CLYBL: variants seen among roughly 807,000 people sequenced by gnomAD.
CLYBL encodes citramalyl-CoA lyase, mitochondrial.
CLYBL carries 31 observed loss-of-function variants against 38.9 expected under a neutral mutation model. That is an observed-to-expected ratio of 0.80 (90% CI 0.60 to 1.08). The LOEUF is 1.08. CLYBL is among the 50% of genes least tolerant of loss of function. CLYBL has a pLI of 0.00. For synonymous variants in CLYBL, 171 were observed against 158.6 expected (o/e 1.08, Z -0.59); for missense variants, 434 against 411.6 (o/e 1.05, Z -0.47).
At chr13:99,655,699 G>GA (rs2047320256) in intron 1 of CLYBL, among the ~76,000 whole-genome samples, 5 of 152,194 alleles carry the variant, frequency 3.3e-5, no homozygotes, top group Admixed American at 3.3e-4. Flanking sequence ...TTGCTTGTGG[G>GA]ACCTGGTGTC....
intron 1 of CLYBL, among the ~76,000 whole-genome samples, chr13:99,742,660 GC>G (rs1248439439): frequency 1.2e-4 from 18 of 152,288 alleles, no homozygotes; most frequent in African/African-American, 4.3e-4. Context: ...TTCACATCTT[GC>G]CTTTACAAGT....
chr13:99,705,259 A>G (rs549272630), intron 1 of CLYBL, among the ~76,000 whole-genome samples: 7 of 152,090 alleles, frequency 4.6e-5, no homozygotes, highest in South Asian at 2.1e-4. Flanking sequence ...ACACACACAC[A>G]CGCAAGAATA....
chr13:99,883,334 C>T (rs533136528), intron 7 of CLYBL, among the ~76,000 whole-genome samples: 4 of 152,156 alleles, frequency 2.6e-5, no homozygotes, highest in African/African-American at 9.6e-5. Flanking sequence ...GCCTGGCCAA[C>T]ATGGTGAAAC....
chr13:99,646,678 A>AG (rs2047181527), intron 1 of CLYBL, among the ~76,000 whole-genome samples: 1 of 131,606 alleles, frequency 7.6e-6, no homozygotes, highest in Admixed American at 7.2e-5. Context: ...ACACCTGGCT[A>AG]ATTTTTTTTT....
intron 1 of CLYBL, among the ~76,000 whole-genome samples, chr13:99,654,989 T>A (rs1166763752): frequency 6.6e-6 from 1 of 151,804 alleles, no homozygotes; most frequent in Admixed American, 6.6e-5. Context: ...TTCTGTGCAG[T>A]GGCTGATCTA....
At chr13:99,724,311 T>C (rs899020859) in intron 1 of CLYBL, among the ~76,000 whole-genome samples, 6 of 152,214 alleles carry the variant, frequency 3.9e-5, no homozygotes, top group Admixed American at 3.3e-4. Flanking sequence ...GATTTTCCCC[T>C]ATTTGCCTTT....
In CLYBL at chr13:99,752,699, C is replaced by T. The variant is rs78129148; in HGVS notation, c.63-20125C>T. ...TTGCTGGGGGCACCTCTTTCCTTCA[C>T]CGGCTCCCACCTTCTTTGTGTCACC... On this transcript the variant is annotated intron_variant, in intron 1 of 8. Transcript: ENST00000339105. Among the ~76,000 whole-genome samples the T allele has an allele frequency of 6.3e-3, 957 of 152,160 alleles. 7 individuals carry two copies. Among genetic ancestry groups the T allele is most frequent in the African/African-American group, 0.022 (904 of 41,510 alleles).
intron 9 of CLYBL, among the ~76,000 whole-genome samples, chr13:99,906,860 G>GC (rs2152139825): frequency 6.6e-6 from 1 of 152,326 alleles, no homozygotes; most frequent in East Asian, 1.9e-4. Context: ...AGGATGGGCA[G>GC]CCCCACAGCG....
At chr13:99,889,641 A>C (rs920962113) in intron 7 of CLYBL, among the ~76,000 whole-genome samples, 5 of 152,198 alleles carry the variant, frequency 3.3e-5, no homozygotes, top group Non-Finnish European at 5.9e-5. Flanking sequence ...AAGGCTGAAA[A>C]GGTTGGCCAC....
chr13:99,794,683 C>G (rs1222011821), intron 2 of CLYBL, among the ~76,000 whole-genome samples: 1 of 151,546 alleles, frequency 6.6e-6, no homozygotes, highest in Non-Finnish European at 1.5e-5. Context: ...CCTCCACCGT[C>G]TGAGTTCAAC....
chr13:99,766,133 A>G (rs1021696775), intron 1 of CLYBL, among the ~76,000 whole-genome samples: 3 of 152,168 alleles, frequency 2.0e-5, no homozygotes, highest in Non-Finnish European at 2.9e-5. Flanking sequence ...GATTACAGGC[A>G]TGAGCCAACT....
intron 2 of CLYBL, among the ~76,000 whole-genome samples, chr13:99,812,884 A>G (rs141506844): frequency 1.3e-5 from 2 of 152,334 alleles, no homozygotes; most frequent in East Asian, 3.9e-4. Context: ...AAGCTGTGAT[A>G]TCACATACTG....
chr13:99,706,813 T>G (rs747796492), intron 1 of CLYBL, among the ~76,000 whole-genome samples: 3 of 152,188 alleles, frequency 2.0e-5, no homozygotes, highest in Non-Finnish European at 2.9e-5. Context: ...ATTTTATTTT[T>G]ATTTATTTTT....
intron 6 of CLYBL, 81 bp from the exon 7 acceptor site, chr13:99,870,857 A>C: frequency 6.8e-7 from 1 of 1,463,474 alleles, no homozygotes; most frequent in Non-Finnish European, 9.2e-7. Flanking sequence ...TGAGGCCTTC[A>C]GGAACCTCAC....
intron 9 of CLYBL, among the ~76,000 whole-genome samples, chr13:99,906,991 C>A (rs1396670492): frequency 6.6e-6 from 1 of 152,154 alleles, no homozygotes; most frequent in Non-Finnish European, 1.5e-5. Context: ...TCAAAAAAGC[C>A]TCATTGGCAA....
intron 2 of CLYBL, among the ~76,000 whole-genome samples, chr13:99,786,945 C>G (rs934682901): frequency 3.9e-5 from 6 of 152,054 alleles, no homozygotes; most frequent in African/African-American, 1.4e-4. Context: ...ATTTGCATTT[C>G]TCTGATGGCC....
At chr13:99,623,699 C>T (rs536968691) in intron 1 of CLYBL, among the ~76,000 whole-genome samples, 13 of 152,224 alleles carry the variant, frequency 8.5e-5, no homozygotes, top group East Asian at 5.8e-4. Context: ...CTGTGGCTCA[C>T]GCCTGTAATT....
At chr13:99,827,179 T>A (rs2050710878) in intron 2 of CLYBL, among the ~76,000 whole-genome samples, 1 of 152,152 alleles carries the variant, frequency 6.6e-6, no homozygotes, top group African/African-American at 2.4e-5. Context: ...TACCACAGAC[T>A]CCAGTTGGAA....
chr13:99,886,411 T>C (rs2052351047), intron 7 of CLYBL, among the ~76,000 whole-genome samples: 1 of 152,266 alleles, frequency 6.6e-6, no homozygotes, highest in Non-Finnish European at 1.5e-5. Context: ...TGTCAGTGCT[T>C]ATCTGATCCA....
Sources: allele counts gnomAD v4.1 joint callset (sites outside exome capture counted in the v4.1 genomes callset), GRCh38; gene constraint gnomAD v4.1.1; transcripts MANE v1.5; gene names NCBI Gene and HGNC (gene_info 2026-07-23, HGNC 2026-07-21).